The following PPM1E variants were observed in gnomAD, a reference collection of about 807,000 sequenced individuals.
PPM1E encodes the protein protein phosphatase, Mg2+/Mn2+ dependent 1E.
PPM1E carries 20 observed loss-of-function variants against 65.9 expected under a neutral mutation model. The ratio of observed to expected loss-of-function variants is 0.30; its 90% confidence interval spans 0.21 to 0.44. The LOEUF is 0.44. Ranked by LOEUF, PPM1E falls within the 20% of genes least tolerant of loss-of-function variation. The probability of loss-of-function intolerance (pLI) is 1.00; values close to 1 mark genes in which losing one functional copy is unlikely to be tolerated. For synonymous variants in PPM1E, 352 were observed against 374.9 expected (o/e 0.94, Z 0.70); for missense variants, 713 against 953.1 (o/e 0.75, Z 3.32).
intron 6 of PPM1E, among the ~76,000 whole-genome samples, chr17:58,979,057 C>G (rs1598716113): frequency 6.6e-6 from 1 of 152,320 alleles, no homozygotes; most frequent in East Asian, 1.9e-4. Context: ...AACTAACTTA[C>G]CCTTCAGGAC....
chr17:58,949,574 T>C (rs1443418999), intron 1 of PPM1E, among the ~76,000 whole-genome samples: 4 of 152,236 alleles, frequency 2.6e-5, no homozygotes, highest in African/African-American at 7.2e-5. Flanking sequence ...TTGACTGTTT[T>C]CTGAGTATTT....
chr17:58,931,089 AAG>A (rs2051891008), intron 1 of PPM1E, among the ~76,000 whole-genome samples: 1 of 102,364 alleles, frequency 9.8e-6, no homozygotes, highest in African/African-American at 3.2e-5. Flanking sequence ...AAAAAAAAGA[AAG>A]AAAGAAAGAA....
chr17:58,949,941 T>C (rs1239031254), intron 1 of PPM1E, among the ~76,000 whole-genome samples: 1 of 152,236 alleles, frequency 6.6e-6, no homozygotes, highest in Non-Finnish European at 1.5e-5. Context: ...TCCCTTTCTC[T>C]CCTGGCCTGT....
intron 1 of PPM1E, among the ~76,000 whole-genome samples, chr17:58,954,499 T>C (rs1356607066): frequency 1.3e-5 from 2 of 152,156 alleles, no homozygotes; most frequent in Non-Finnish European, 2.9e-5. Flanking sequence ...TCCTCTGACT[T>C]TATTCTGTGC....
chr17:58,756,308 C>T lies in PPM1E; in HGVS notation c.311C>T (p.Thr104Met). The T allele has an allele frequency of 6.6e-7, 1 of 1,509,148 alleles. No individual in the cohort carries two copies. Among genetic ancestry groups the T allele is most frequent in the East Asian group, 2.6e-5 (1 of 38,656 alleles). The allele number at this position is 1,509,148 out of a possible 1,614,324, so 93.5% of individuals were successfully genotyped here. A position where few individuals can be genotyped will look rare whatever the true frequency, so the allele number is the denominator to read the frequency against. ...EGEEEEEGAA[T>M]AAAAPGHSAV... ...GAGGAGGAGGAGGAGGGCGCGGCGA[C>T]GGCGGCGGCAGCCCCGGGGCACTCG... Residue 104 changes from threonine (T) to methionine (M), a missense_variant, in exon 1 of 7, where the codon ACG (threonine) becomes ATG (methionine). Coordinates refer to ENST00000308249, the MANE Select transcript of PPM1E (RefSeq NM_014906.5).
intron 3 of PPM1E, among the ~76,000 whole-genome samples, chr17:58,968,456 A>G (rs146559380): frequency 2.6e-5 from 4 of 152,264 alleles, no homozygotes; most frequent in African/African-American, 9.6e-5. Flanking sequence ...AACTTTTTCA[A>G]AGTACAGATA....
intron 1 of PPM1E, among the ~76,000 whole-genome samples, chr17:58,918,406 A>G (rs187915276): frequency 2.0e-5 from 3 of 152,336 alleles, no homozygotes; most frequent in Admixed American, 2.0e-4. Context: ...CCTCTTTCAT[A>G]TAAGACTAAG....
At chr17:58,843,107 A>C (rs2050736096) in intron 1 of PPM1E, among the ~76,000 whole-genome samples, 1 of 151,888 alleles carries the variant, frequency 6.6e-6, no homozygotes, top group Admixed American at 6.6e-5. Flanking sequence ...TACATGGCGA[A>C]ACCTTGTCTC....
intron 1 of PPM1E, among the ~76,000 whole-genome samples, chr17:58,800,022 A>G (rs2050244206): frequency 6.6e-6 from 1 of 152,250 alleles, no homozygotes; most frequent in African/African-American, 2.4e-5. Flanking sequence ...TAGGAATATG[A>G]ATGGGATTAC....
intron 1 of PPM1E, among the ~76,000 whole-genome samples, chr17:58,879,853 A>G (rs1251038951): frequency 2.6e-5 from 4 of 152,124 alleles, no homozygotes; most frequent in Admixed American, 2.6e-4. Context: ...ATTCCCACAC[A>G]CATTTCCAGA....
chr17:58,791,870 C>T (rs1423316481), intron 1 of PPM1E, among the ~76,000 whole-genome samples: 1 of 152,080 alleles, frequency 6.6e-6, no homozygotes, highest in East Asian at 1.9e-4. Flanking sequence ...CCTCTGTATT[C>T]CTTAACCCTT....
chr17:58,770,407 T>C (rs1226892410), intron 1 of PPM1E, among the ~76,000 whole-genome samples: 1 of 152,150 alleles, frequency 6.6e-6, no homozygotes, highest in Non-Finnish European at 1.5e-5. Context: ...ACTCCTTTAG[T>C]TCCAGCTACT....
At chr17:58,825,018 G>A (rs576314950) in intron 1 of PPM1E, among the ~76,000 whole-genome samples, 26 of 152,004 alleles carry the variant, frequency 1.7e-4, no homozygotes, top group African/African-American at 5.8e-4. Flanking sequence ...TTGGAAACTT[G>A]GGGGGAAGAG....
intron 1 of PPM1E, among the ~76,000 whole-genome samples, chr17:58,775,481 C>A (rs1050826588): frequency 5.3e-5 from 8 of 152,102 alleles, no homozygotes; most frequent in Non-Finnish European, 8.8e-5. Flanking sequence ...ATTATCAGAT[C>A]TTCCAGCAGT....
chr17:58,892,355 C>T (rs2051358278), intron 1 of PPM1E, among the ~76,000 whole-genome samples: 2 of 152,176 alleles, frequency 1.3e-5, no homozygotes, highest in South Asian at 4.2e-4. Flanking sequence ...AGGAGGATTG[C>T]TTGAGGCCAT....
At chr17:58,844,943 C>T (rs1221346460) in intron 1 of PPM1E, among the ~76,000 whole-genome samples, 4 of 152,090 alleles carry the variant, frequency 2.6e-5, no homozygotes, top group African/African-American at 9.7e-5. Flanking sequence ...TATCAATAAC[C>T]TTTTATTCAA....
chr17:58,823,276 G>A lies in PPM1E; in HGVS notation c.464+66815G>A, dbSNP rs2050498839. On this transcript the variant is annotated intron_variant, in intron 1 of 6. Transcript: ENST00000308249. Reference sequence around the variant, plus strand: ...AGGCATTTCTCATAAATTTTTCAAGGAATGGAATGGGCAGGAAAGGAACTA... The same window carrying A: ...AGGCATTTCTCATAAATTTTTCAAGAAATGGAATGGGCAGGAAAGGAACTA... 2.6e-5 allele frequency among the ~76,000 whole-genome samples: 4 copies of A among 152,220 alleles called. No homozygotes were observed. The South Asian group carries it at 8.3e-4, about 32-fold the overall frequency.
At chr17:58,774,162 C>G (rs980078780) in intron 1 of PPM1E, among the ~76,000 whole-genome samples, 3 of 150,906 alleles carry the variant, frequency 2.0e-5, no homozygotes, top group Non-Finnish European at 3.0e-5. Flanking sequence ...AACTCTGTCC[C>G]CCCCCCCCAA....
chr17:58,978,837 G>C (rs2031187076), intron 6 of PPM1E, among the ~76,000 whole-genome samples: 1 of 152,180 alleles, frequency 6.6e-6, no homozygotes, highest in Admixed American at 6.5e-5. Context: ...ACAATGAATG[G>C]ATTTGGAAGT....
Sources: gnomAD v4.1 joint callset for allele counts (sites outside exome capture counted in the v4.1 genomes callset) on GRCh38, gnomAD v4.1.1 for gene constraint, MANE v1.5 for transcripts, NCBI Gene and HGNC (gene_info 2026-07-23, HGNC 2026-07-21) for gene names.